Variants in NCAM2 observed in about 807,000 individuals in gnomAD.
NCAM2 encodes the protein N-CAM-2.
NCAM2 carries 30 observed loss-of-function variants against 98.1 expected under a neutral mutation model. The ratio of observed to expected loss-of-function variants is 0.31; its 90% CI spans 0.23 to 0.41. The LOEUF (loss-of-function observed/expected upper bound fraction) is 0.41. Among genes scored for constraint, NCAM2 ranks in the 10% least tolerant of loss-of-function variants. NCAM2 has a pLI of 1.00. For missense variants in NCAM2, 867 were observed against 1,005.8 expected, an observed-to-expected ratio of 0.86 and a Z score of 1.87; for synonymous variants, 368 against 342.4, an observed-to-expected ratio of 1.07 and a Z score of -0.83.
At chr21:21,107,311 T>C (rs901574356) in intron 1 of NCAM2, among the ~76,000 whole-genome samples, 1 of 152,080 alleles carries the variant, frequency 6.6e-6, no homozygotes, top group Non-Finnish European at 1.5e-5. Flanking sequence ...ATAGATCTAG[T>C]AAATGGTGGT....
At chr21:21,020,623 A>C (rs1054887173) in intron 1 of NCAM2, among the ~76,000 whole-genome samples, 2 of 152,138 alleles carry the variant, frequency 1.3e-5, no homozygotes, top group African/African-American at 2.4e-5. Context: ...TCGTGCCCAG[A>C]GGCTCAGCAT....
intron 16 of NCAM2, among the ~76,000 whole-genome samples, chr21:21,525,352 A>G (rs550728458): frequency 9.2e-5 from 14 of 152,264 alleles, no homozygotes; most frequent in African/African-American, 3.4e-4. Flanking sequence ...TATAGACAGC[A>G]TTGTCATTCA....
chr21:21,406,249 G>A (rs910988580), intron 9 of NCAM2, among the ~76,000 whole-genome samples: 1 of 152,188 alleles, frequency 6.6e-6, no homozygotes, highest in African/African-American at 2.4e-5. Context: ...TAGAGTGAGA[G>A]ATGGCAGTGG....
At chr21:21,301,841 G>T (rs1601913556) in intron 5 of NCAM2, among the ~76,000 whole-genome samples, 1 of 149,180 alleles carries the variant, frequency 6.7e-6, no homozygotes, top group Non-Finnish European at 1.5e-5. Flanking sequence ...CATTTATGCA[G>T]CCAAAAAATA....
intron 5 of NCAM2, among the ~76,000 whole-genome samples, chr21:21,323,551 A>G (rs959710001): frequency 1.3e-5 from 2 of 152,194 alleles, no homozygotes; most frequent in East Asian, 3.8e-4. Context: ...TTAAAATTAT[A>G]AAAGTGTGCA....
intron 15 of NCAM2, among the ~76,000 whole-genome samples, chr21:21,481,463 G>T (rs898513438): frequency 6.6e-6 from 1 of 152,222 alleles, no homozygotes; most frequent in Non-Finnish European, 1.5e-5. Flanking sequence ...CCTATCACGT[G>T]CAGCTTTGCT....
At chr21:21,139,698 G>T (rs557573713) in intron 1 of NCAM2, among the ~76,000 whole-genome samples, 191 of 152,136 alleles carry the variant, frequency 1.3e-3, no homozygotes, top group African/African-American at 4.4e-3. Flanking sequence ...GAAAATATGT[G>T]TGCAGAAGTA....
rs964909178 is a variant in NCAM2 at position 21,542,418 on chromosome 21, T to C, written c.*4461T>C. ...GGATTTTATCTATAACATAAATATA[T>C]TATTTGTTATTACCTCTTTAAATTT... On this transcript the variant is annotated 3_prime_UTR_variant, in exon 18 of 18. Coordinates refer to ENST00000400546, the MANE Select transcript of NCAM2 (RefSeq NM_004540.5). 6.6e-6 allele frequency: 1 copy of C among 151,912 alleles called. No homozygotes were observed. Among genetic ancestry groups the C allele is most frequent in the Admixed American group, 6.6e-5 (1 of 15,196 alleles). The allele number at this position is 151,912 out of a possible 1,614,324, so 9.4% of individuals were successfully genotyped here. A position where few individuals can be genotyped will look rare whatever the true frequency, so the allele number is the denominator to read the frequency against.
At chr21:21,338,361 G>A (rs200128957) in intron 7 of NCAM2, 28 bp from the exon 8 acceptor site, 215 of 1,589,996 alleles carry the variant, frequency 1.4e-4, no homozygotes, top group Non-Finnish European at 7.9e-5. Context: ...CTCCAATACC[G>A]GTTGAGTAAT....
At chr21:21,358,716 T>G (rs2075563629) in intron 8 of NCAM2, among the ~76,000 whole-genome samples, 2 of 152,072 alleles carry the variant, frequency 1.3e-5, no homozygotes. Flanking sequence ...TTATCTGCTC[T>G]GTGATAGCAG....
chr21:21,355,299 G>A (rs1393604375), intron 8 of NCAM2, among the ~76,000 whole-genome samples: 1 of 151,322 alleles, frequency 6.6e-6, no homozygotes, highest in Non-Finnish European at 1.5e-5. Context: ...GCCGAGCCTG[G>A]TGGTGTGCAC....
intron 1 of NCAM2, among the ~76,000 whole-genome samples, chr21:21,002,594 CTCTG>C (rs1352125836): frequency 6.6e-6 from 1 of 152,090 alleles, no homozygotes. Flanking sequence ...CTCCTGCATT[CTCTG>C]TCTTTTAACA....
intron 1 of NCAM2, among the ~76,000 whole-genome samples, chr21:21,032,572 A>G (rs1439863503): frequency 6.6e-6 from 1 of 152,210 alleles, no homozygotes; most frequent in Non-Finnish European, 1.5e-5. Context: ...TTGACTAAGC[A>G]AATCAAAATA....
intron 5 of NCAM2, among the ~76,000 whole-genome samples, chr21:21,313,433 T>C (rs1253214605): frequency 3.9e-5 from 6 of 151,966 alleles, no homozygotes; most frequent in African/African-American, 1.2e-4. Flanking sequence ...TTGGCCTTTT[T>C]ATCATTATGT....
At chr21:21,024,108 C>T (rs574531716) in intron 1 of NCAM2, among the ~76,000 whole-genome samples, 1 of 152,230 alleles carries the variant, frequency 6.6e-6, no homozygotes, top group South Asian at 2.1e-4. Context: ...TGTGATATTC[C>T]ATATAAGTGA....
rs1984044380 is a variant in NCAM2, at chr21:21,468,705, A to G, written c.1818A>G (p.Gly606=). 6.2e-7 allele frequency: 1 copy of G among 1,611,964 alleles called. No homozygotes were observed. The highest frequency in any genetic ancestry group is 1.1e-5 in the South Asian group (1 of 90,972). Reference sequence around the variant, plus strand: ...CCATACATGGACAGCCAAGCAGTGGAAAGAGCTTTAAACTCAGCATCACCA... The same window carrying G: ...CCATACATGGACAGCCAAGCAGTGGGAAGAGCTTTAAACTCAGCATCACCA... ...PPSIHGQPSS[G]KSFKLSITKQ... Residue 606 remains glycine, a synonymous_variant, in exon 14 of 18, where the codon GGA becomes GGG. Transcript: ENST00000400546.
intron 1 of NCAM2, among the ~76,000 whole-genome samples, chr21:21,131,939 C>T (rs1426742468): frequency 2.6e-5 from 4 of 152,090 alleles, no homozygotes; most frequent in Non-Finnish European, 5.9e-5. Flanking sequence ...AACAAATTGT[C>T]ACAAAGCTTA....
intron 1 of NCAM2, among the ~76,000 whole-genome samples, chr21:21,166,599 A>G (rs887385896): frequency 2.0e-5 from 3 of 152,162 alleles, no homozygotes; most frequent in Admixed American, 6.5e-5. Flanking sequence ...AACCAGAACA[A>G]TAAGAGTCAG....
At chr21:21,198,333 A>G (rs2147003922) in intron 1 of NCAM2, among the ~76,000 whole-genome samples, 3 of 151,980 alleles carry the variant, frequency 2.0e-5, no homozygotes, top group Middle Eastern at 3.4e-3. Flanking sequence ...TCTTTTTTCC[A>G]TTTACTTTGA....
Sources: allele counts gnomAD v4.1 joint callset (sites outside exome capture counted in the v4.1 genomes callset), GRCh38; gene constraint gnomAD v4.1.1; transcripts MANE v1.5; gene names NCBI Gene and HGNC (gene_info 2026-07-23, HGNC 2026-07-21).